The following EYS variants were observed in gnomAD, a reference collection of about 807,000 sequenced individuals.
EYS encodes protein eyes shut homolog.
Under a neutral mutation model 282.1 loss-of-function variants are expected in EYS, and 250 were observed. That is an observed-to-expected ratio of 0.89 (90% CI 0.80 to 0.98). EYS has a LOEUF of 0.98. Ranked by LOEUF, EYS falls within the 50% of genes least tolerant of loss-of-function variation. The pLI, the probability that EYS is intolerant of heterozygous loss-of-function variation, is 0.00. For synonymous variants in EYS, 1,355 were observed against 1,282.9 expected (o/e 1.06, Z -1.20); for missense variants, 4,016 against 3,709.0 (o/e 1.08, Z -2.15).
intron 13 of EYS, among the ~76,000 whole-genome samples, chr6:65,026,447 T>C (rs1410937695): frequency 6.6e-6 from 1 of 152,034 alleles, no homozygotes; most frequent in African/African-American, 2.4e-5. Flanking sequence ...ACCAGGGGTA[T>C]GACCAGAAAT....
intron 26 of EYS, among the ~76,000 whole-genome samples, chr6:64,570,471 T>A (rs1464127654): frequency 6.6e-6 from 1 of 152,174 alleles, no homozygotes; most frequent in Non-Finnish European, 1.5e-5. Flanking sequence ...ATGGGCTAAA[T>A]GCCTCAATTG....
At chr6:64,968,667 T>C (rs887268076) in intron 14 of EYS, among the ~76,000 whole-genome samples, 1 of 152,150 alleles carries the variant, frequency 6.6e-6, no homozygotes, top group African/African-American at 2.4e-5. Flanking sequence ...AAAGCTGGAT[T>C]GCCTACTCCA....
At chr6:64,532,832 A>C (rs9359969) in intron 26 of EYS, among the ~76,000 whole-genome samples, 39,743 of 152,068 alleles carry the variant, frequency 0.26, 5,701 homozygotes, top group East Asian at 0.36. Context: ...AGTCTCTTGA[A>C]GGTACAATAA....
intron 12 of EYS, among the ~76,000 whole-genome samples, chr6:65,134,338 A>G (rs1040030984): frequency 6.6e-6 from 1 of 152,128 alleles, no homozygotes; most frequent in African/African-American, 2.4e-5. Context: ...AGGACATAGA[A>G]TCAACCTACA....
chr6:63,919,942 C>T (rs144390496), intron 35 of EYS, among the ~76,000 whole-genome samples: 47 of 152,274 alleles, frequency 3.1e-4, no homozygotes, highest in African/African-American at 1.1e-3. Context: ...TGTGGCTCTA[C>T]GTAAATTGCG....
At chr6:63,865,659 A>T (rs1239115018) in intron 35 of EYS, among the ~76,000 whole-genome samples, 1 of 152,018 alleles carries the variant, frequency 6.6e-6, no homozygotes, top group Non-Finnish European at 1.5e-5. Flanking sequence ...GATCTTACCC[A>T]TACCATGAAT....
intron 12 of EYS, among the ~76,000 whole-genome samples, chr6:65,109,456 G>T (rs188283394): frequency 3.3e-5 from 5 of 151,560 alleles, no homozygotes; most frequent in East Asian, 1.9e-4. Flanking sequence ...TTACTTGGGC[G>T]GTAGCTCCTA....
chr6:63,964,723 GA>G (rs1207549783), intron 35 of EYS, among the ~76,000 whole-genome samples: 1 of 152,206 alleles, frequency 6.6e-6, no homozygotes, highest in African/African-American at 2.4e-5. Flanking sequence ...AAGGCAAATA[GA>G]GCAAAACATG....
intron 24 of EYS, among the ~76,000 whole-genome samples, chr6:64,602,017 C>T (rs1317366717): frequency 6.6e-6 from 1 of 152,010 alleles, no homozygotes; most frequent in Non-Finnish European, 1.5e-5. Flanking sequence ...ACTTAAAGGT[C>T]CCTTCCTTAG....
At chr6:64,327,788 C>T (rs1770486267) in intron 29 of EYS, among the ~76,000 whole-genome samples, 1 of 152,100 alleles carries the variant, frequency 6.6e-6, no homozygotes, top group Admixed American at 6.5e-5. Context: ...GAAAGTCCAG[C>T]CCTCTATGCA....
chr6:64,642,617 G>T (rs542162871), intron 22 of EYS, among the ~76,000 whole-genome samples: 1 of 152,286 alleles, frequency 6.6e-6, no homozygotes, highest in Admixed American at 6.5e-5. Flanking sequence ...TAAATGAAAT[G>T]CTTCCTGTGA....
intron 2 of EYS, among the ~76,000 whole-genome samples, chr6:65,584,303 G>A (rs1406033900): frequency 2.6e-5 from 4 of 152,040 alleles, no homozygotes; most frequent in South Asian, 4.1e-4. Flanking sequence ...TGGGAAGGGC[G>A]TTAGGGCTGG....
chr6:64,181,571 AC>A (rs745394251), intron 31 of EYS, among the ~76,000 whole-genome samples: 31 of 152,092 alleles, frequency 2.0e-4, no homozygotes, highest in Non-Finnish European at 3.5e-4. Flanking sequence ...CAAATGAATC[AC>A]CTTTGAAAAC....
intron 2 of EYS, among the ~76,000 whole-genome samples, chr6:65,619,313 C>T (rs1250608517): frequency 6.6e-6 from 1 of 151,482 alleles, no homozygotes; most frequent in Non-Finnish European, 1.5e-5. Flanking sequence ...CTCTTTGAAG[C>T]AATTATGAAT....
intron 12 of EYS, among the ~76,000 whole-genome samples, chr6:65,076,118 A>T (rs1228269533): frequency 1.3e-5 from 2 of 152,064 alleles, no homozygotes; most frequent in Non-Finnish European, 2.9e-5. Context: ...AAAGGTAAAG[A>T]TGATAGATCA....
At chr6:64,273,341 A>T (rs1251323937) in intron 30 of EYS, among the ~76,000 whole-genome samples, 1 of 152,200 alleles carries the variant, frequency 6.6e-6, no homozygotes, top group Non-Finnish European at 1.5e-5. Flanking sequence ...TTTTGCATAA[A>T]GTCCATTTTT....
At chr6:64,543,787 T>C (rs1282381246) in intron 26 of EYS, among the ~76,000 whole-genome samples, 1 of 152,168 alleles carries the variant, frequency 6.6e-6, no homozygotes, top group Non-Finnish European at 1.5e-5. Context: ...GATGTGAGAA[T>C]AATAACAGGC....
chr6:64,470,622 T>C (rs562490406), intron 26 of EYS, among the ~76,000 whole-genome samples: 112 of 152,258 alleles, frequency 7.4e-4, no homozygotes, highest in African/African-American at 2.3e-3. Context: ...AGTCTCATAA[T>C]GTTTTAAGAA....
chr6:65,222,619 G>A (rs1766498619), intron 12 of EYS, among the ~76,000 whole-genome samples: 2 of 152,118 alleles, frequency 1.3e-5, no homozygotes, highest in Non-Finnish European at 2.9e-5. Flanking sequence ...TTTAACCAAA[G>A]TAAAACAGAA....
Sources: gnomAD v4.1 joint callset for allele counts (sites outside exome capture counted in the v4.1 genomes callset) on GRCh38, gnomAD v4.1.1 for gene constraint, MANE v1.5 for transcripts, NCBI Gene and HGNC (gene_info 2026-07-23, HGNC 2026-07-21) for gene names.